Variants in SERPINA5 observed in about 807,000 individuals in gnomAD.
The protein encoded by SERPINA5 is plasma serine protease inhibitor.
In SERPINA5, 25 loss-of-function variants were observed where a neutral mutation model predicts 25.3. That is an observed-to-expected ratio of 0.99 (90% confidence interval 0.72 to 1.38). The LOEUF (loss-of-function observed/expected upper bound fraction) is 1.38, where lower values mean the gene tolerates loss of function less well. Ranked by LOEUF, SERPINA5 falls within the 40% of genes most tolerant of loss-of-function variation. The pLI, the probability that SERPINA5 is intolerant of heterozygous loss-of-function variation, is 0.00. For missense variants in SERPINA5, 599 were observed against 509.5 expected, an observed-to-expected ratio of 1.18 and a Z score of -1.69; for synonymous variants, 234 against 206.2, an observed-to-expected ratio of 1.14 and a Z score of -1.16.
chr14:94,587,057 G>A (rs930451144), intron 2 of SERPINA5: 1 of 345,194 alleles, frequency 2.9e-6, no homozygotes, highest in Non-Finnish European at 5.3e-6. Flanking sequence ...CCTCCAAAAT[G>A]TGTCCCTTGA....
chr14:94,587,328 A>G lies in SERPINA5; in HGVS notation c.-17-18A>G. 2 of 1,558,022 alleles carry G rather than the reference A, an allele frequency of 1.3e-6. No homozygotes were observed. Among genetic ancestry groups the G allele is most frequent in the Non-Finnish European group, 1.7e-6 (2 of 1,157,250 alleles). ...ACCAGCTCCACCCCTCTCTGAGGAC[A>G]CCTTCTTTCCCTTTCAGAACAAAGA... On this transcript the variant is annotated intron_variant, in intron 2 of 5. Coordinates refer to ENST00000329597, the MANE Select transcript of SERPINA5 (RefSeq NM_000624.6).
intron 3 of SERPINA5, 89 bp from the exon 4 acceptor site, chr14:94,589,952 T>G: frequency 7.5e-7 from 1 of 1,334,574 alleles, no homozygotes; most frequent in Non-Finnish European, 1.0e-6. Flanking sequence ...GCTGGCTATC[T>G]TTACTGTCTT....
intron 4 of SERPINA5, 36 bp from the exon 5 acceptor site, chr14:94,590,713 C>A (rs1337215653): frequency 1.2e-6 from 2 of 1,603,774 alleles, no homozygotes; most frequent in Non-Finnish European, 1.7e-6. Flanking sequence ...GCCAATGCCC[C>A]AGAACAGTCT....
intron 2 of SERPINA5, among the ~76,000 whole-genome samples, chr14:94,585,323 C>T (rs1002932103): frequency 7.2e-5 from 11 of 152,050 alleles, no homozygotes; most frequent in African/African-American, 2.7e-4. Context: ...GGTTTGGTGC[C>T]AGGTTCGATT....
intron 5 of SERPINA5, 115 bp downstream of exon 5, chr14:94,591,011 A>G: frequency 1.0e-6 from 1 of 961,814 alleles, no homozygotes; most frequent in Non-Finnish European, 1.5e-6. Flanking sequence ...ACTCCACTCC[A>G]CTCCACTCCA....
intron 5 of SERPINA5, among the ~76,000 whole-genome samples, chr14:94,591,662 T>C (rs1198710065): frequency 6.6e-6 from 1 of 150,614 alleles, no homozygotes; most frequent in Non-Finnish European, 1.5e-5. Context: ...TCACTTTGTG[T>C]CTTATCCTTC....
At position 94,590,071 on chromosome 14, in the gene SERPINA5, G is replaced by A. The variant is rs536859945; in HGVS notation, c.650G>A (p.Gly217Asp). Reference protein sequence around the residue: ...AKWETSFNHKGTQEQDFYVTS... With the variant: ...AKWETSFNHKDTQEQDFYVTS... Reference sequence around the variant, plus strand: ...TGGGAGACAAGCTTCAACCACAAAGGCACCCAAGAGCAAGACTTCTACGTG... The same window carrying A: ...TGGGAGACAAGCTTCAACCACAAAGACACCCAAGAGCAAGACTTCTACGTG... Residue 217 changes from glycine (G) to aspartate (D), a missense_variant, in exon 4 of 6, where the codon GGC becomes GAC. Physicochemically the swap from Gly to Asp is moderately conservative, Grantham distance 94 (BLOSUM62 -1). Transcript: ENST00000329597. The A allele has an allele frequency of 3.1e-6, 5 of 1,595,356 alleles. No individual in the cohort carries two copies. The highest frequency in any genetic ancestry group is 4.3e-6 in the Non-Finnish European group (5 of 1,166,530).
At chr14:94,587,203 G>A (rs1885118097) in intron 2 of SERPINA5, 143 bp from the exon 3 acceptor site, 1 of 736,382 alleles carries the variant, frequency 1.4e-6, no homozygotes, top group Non-Finnish European at 2.2e-6. Context: ...AAACCCTCAT[G>A]CCCAGTCTTG....
intron 4 of SERPINA5, 123 bp downstream of exon 4, chr14:94,590,434 C>A: frequency 1.6e-6 from 2 of 1,237,288 alleles, no homozygotes; most frequent in Non-Finnish European, 2.2e-6. Context: ...TGCCTCCAGG[C>A]CCAGAGGCAT....
chr14:94,591,292 C>T (rs1357274783), intron 5 of SERPINA5, among the ~76,000 whole-genome samples: 2 of 144,120 alleles, frequency 1.4e-5, no homozygotes, highest in Non-Finnish European at 3.0e-5. Flanking sequence ...CACTCCTCCA[C>T]TCCACTCCAC....
At chr14:94,583,193 C>T (rs577522035) in intron 2 of SERPINA5, among the ~76,000 whole-genome samples, 4 of 152,250 alleles carry the variant, frequency 2.6e-5, no homozygotes, top group Admixed American at 1.3e-4. Context: ...GTTTCTTAGG[C>T]GAGGAAGCGC....
chr14:94,589,071 C>G (rs1464039633), intron 3 of SERPINA5, among the ~76,000 whole-genome samples: 2 of 152,190 alleles, frequency 1.3e-5, no homozygotes, highest in African/African-American at 4.8e-5. Flanking sequence ...AGGGCAGTCC[C>G]CATTACACCA....
intron 1 of SERPINA5, 38 bp from the exon 2 acceptor site, chr14:94,581,577 G>T (rs1457605164): frequency 1.3e-5 from 2 of 152,244 alleles, no homozygotes; most frequent in Non-Finnish European, 1.5e-5. Context: ...TTTGGGGTTT[G>T]GGGTCTGCAA....
At chr14:94,589,489 A>G (rs969234530) in intron 3 of SERPINA5, among the ~76,000 whole-genome samples, 1 of 152,076 alleles carries the variant, frequency 6.6e-6, no homozygotes, top group Admixed American at 6.5e-5. Context: ...AAGAAATAAA[A>G]TAAAATAAAA....
chr14:94,589,140 G>C (rs538283670), intron 3 of SERPINA5, among the ~76,000 whole-genome samples: 1 of 152,118 alleles, frequency 6.6e-6, no homozygotes, highest in Non-Finnish European at 1.5e-5. Context: ...GTCTTCCTTC[G>C]ATAACGATTA....
rs1196560569 is a variant in SERPINA5, at chr14:94,587,390, G to C, written c.28G>C (p.Val10Leu). The change falls in exon 3 of 6, where the codon GTG (valine) becomes CTG (leucine). Residue 10 changes from valine to leucine, a missense_variant. Transcript: ENST00000329597. ...GCAGCTCTTCCTCCTCTTGTGCCTG[G>C]TGCTTCTCAGCCCTCAGGGGGCCTC... The part of the protein sequence containing the change: MQLFLLLCL[V>L]LLSPQGASLH... The C allele has an allele frequency of 6.2e-7, 1 of 1,611,742 alleles. No homozygotes were observed. Among genetic ancestry groups the C allele is most frequent in the Admixed American group, 1.7e-5 (1 of 59,566 alleles).
chr14:94,583,670 C>T (rs997404340), intron 2 of SERPINA5, among the ~76,000 whole-genome samples: 7 of 152,208 alleles, frequency 4.6e-5, no homozygotes, highest in African/African-American at 1.2e-4. Context: ...GGTGGGCCAG[C>T]GGGAAGACTG....
At chr14:94,591,616 C>CTATT (rs1885305159) in intron 5 of SERPINA5, among the ~76,000 whole-genome samples, 1 of 21,516 alleles carries the variant, frequency 4.6e-5, no homozygotes, top group South Asian at 1.2e-3. Flanking sequence ...TCTATTCTCT[C>CTATT]CCTCTCCCTC....
rs2069982 is a variant in SERPINA5 at position 94,589,648 on chromosome 14, G to C, written c.620-393G>C. Among the ~76,000 whole-genome samples, 1,012 of 152,200 alleles carry C rather than the reference G, an allele frequency of 6.6e-3. 19 individuals are homozygous for C. Among genetic ancestry groups the C allele is most frequent in the African/African-American group, 0.023 (965 of 41,510 alleles). On this transcript the variant is annotated intron_variant, in intron 3 of 5. Transcript: ENST00000329597. ...TTCTAAAATTTAAATCAAAATATTG[G>C]AATGAAAGTGCAAACAGAGAAGTTC...
Sources: gnomAD v4.1 joint callset for allele counts (sites outside exome capture counted in the v4.1 genomes callset) on GRCh38, gnomAD v4.1.1 for gene constraint, MANE v1.5 for transcripts, NCBI Gene and HGNC (gene_info 2026-07-23, HGNC 2026-07-21) for gene names.